GNPTG: variants seen among roughly 807,000 people sequenced by gnomAD.
GNPTG encodes the protein N-acetylglucosamine-1-phosphotransferase subunit gamma.
GNPTG carries 46 observed loss-of-function variants against 43.8 expected under a neutral mutation model. The ratio of observed to expected loss-of-function variants is 1.05; its 90% CI spans 0.83 to 1.34. The LOEUF is 1.34. Among genes scored for constraint, GNPTG ranks in the 40% most tolerant of loss-of-function variants. The pLI is 0.00. For missense variants in GNPTG, 549 were observed against 411.3 expected, an observed-to-expected ratio of 1.33 and a Z score of -2.90; for synonymous variants, 250 against 172.8, an observed-to-expected ratio of 1.45 and a Z score of -3.50.
chr16:1,352,379 AC>A (rs758727773), intron 3 of GNPTG, 73 bp downstream of exon 3: 20 of 1,424,864 alleles, frequency 1.4e-5, no homozygotes, highest in African/African-American at 2.8e-5. Context: ...TGGATGAGTG[AC>A]CCTGAGAGTT....
At chr16:1,359,422 T>A (rs2034832951) in intron 3 of GNPTG, among the ~76,000 whole-genome samples, 1 of 151,890 alleles carries the variant, frequency 6.6e-6, no homozygotes, top group South Asian at 2.1e-4. Context: ...GCATCCGCCA[T>A]CACGCCTGGC....
intron 3 of GNPTG, among the ~76,000 whole-genome samples, chr16:1,354,307 G>A (rs894541564): frequency 2.0e-5 from 3 of 152,076 alleles, no homozygotes; most frequent in African/African-American, 7.2e-5. Context: ...AGAATATGCT[G>A]GTCGTGGTGG....
chr16:1,361,743 G>A lies in GNPTG; in HGVS notation c.179G>A (p.Gly60Glu), dbSNP rs2141861695. 2.5e-6 allele frequency: 4 copies of A among 1,614,078 alleles called. No homozygotes were observed. The South Asian group carries it at 3.3e-5, about 13-fold the overall frequency. Residue 60 changes from glycine to glutamate, a missense_variant and splice_region_variant, in exon 4 of 11, where the codon GGA (glycine) becomes GAA (glutamate). By Grantham distance (98) the Gly-to-Glu change is moderately conservative. Coordinates refer to ENST00000204679, the MANE Select transcript of GNPTG (RefSeq NM_032520.5). ...GGGATCAGTGTGAGGTCTCTTCCAG[G>A]ACCCGTGCATCTCTTCCGACTCTCG... is the stretch of plus-strand genomic sequence containing the variant. ...QAKRDPSPVS[G>E]PVHLFRLSGK...
rs767502955 is a variant in GNPTG at position 1,361,873 on chromosome 16, T to A, written c.235T>A (p.Tyr79Asn). The change falls in exon 5 of 11, where the codon TAC (tyrosine) becomes AAC (asparagine). Residue 79 changes from tyrosine to asparagine, a missense_variant and splice_region_variant. Coordinates refer to ENST00000204679, the MANE Select transcript of GNPTG (RefSeq NM_032520.5). The stretch of plus-strand genomic sequence containing the variant: ...CCCTCATGCCATCTGTGTCCCCAGG[T>A]ACAAGTATGAGTTCTGCCCGTTCCA... ...GKCFSLVEST[Y>N]KYEFCPFHNV... is the part of the protein sequence containing the mutation. 6.2e-7 allele frequency: 1 copy of A among 1,613,730 alleles called. No individual in the cohort carries two copies. Among genetic ancestry groups the A allele is most frequent in the African/African-American group, 1.3e-5 (1 of 74,910 alleles).
At chr16:1,353,432 A>G (rs1313534516) in intron 3 of GNPTG, among the ~76,000 whole-genome samples, 1 of 152,264 alleles carries the variant, frequency 6.6e-6, no homozygotes, top group Admixed American at 6.5e-5. Flanking sequence ...TAGATAAAAT[A>G]CATAGAATGG....
At position 1,363,414 on chromosome 16, in the gene GNPTG, T is replaced by C. The variant is rs2034989527; in HGVS notation, c.*323T>C. On this transcript the variant is annotated 3_prime_UTR_variant, in exon 11 of 11. Coordinates refer to ENST00000204679, the MANE Select transcript of GNPTG (RefSeq NM_032520.5). ...TCATGTAAATACTCAAACATACAGA[T>C]TGAGGCTTCCAGAAATTAATCCACT... is the stretch of plus-strand genomic sequence containing the variant. The C allele has an allele frequency of 8.1e-6, 3 of 369,756 alleles. No individual in the cohort carries two copies. The highest frequency in any genetic ancestry group is 6.7e-5 in the South Asian group (3 of 44,802). The allele number at this position is 369,756 out of a possible 1,614,324, so 22.9% of individuals were successfully genotyped here. A position where few individuals can be genotyped will look rare whatever the true frequency, so the allele number is the denominator to read the frequency against.
chr16:1,356,504 A>G (rs893923108), intron 3 of GNPTG, among the ~76,000 whole-genome samples: 2 of 151,824 alleles, frequency 1.3e-5, no homozygotes, highest in African/African-American at 4.8e-5. Flanking sequence ...GGCGGAGGGG[A>G]GGGGCCGTGG....
In GNPTG at chr16:1,363,519, C is replaced by T. The variant is rs2034997734; in HGVS notation, c.*428C>T. On this transcript the variant is annotated 3_prime_UTR_variant, in exon 11 of 11. Transcript: ENST00000204679. ...CCACTGTATCACGGCGAATGTCGAA[C>T]ACTAGAGTTACAGACGACAGGCAAC... 7.5e-6 allele frequency: 2 copies of T among 267,278 alleles called. No individual in the cohort carries two copies. The highest frequency in any genetic ancestry group is 2.1e-4 in the East Asian group (2 of 9,418). 16.6% of individuals were successfully genotyped at this position (267,278 alleles called of 1,614,324 possible). A position where few individuals can be genotyped will look rare whatever the true frequency, so the allele number is the denominator to read the frequency against.
rs1025328722 is a variant in GNPTG, at chr16:1,359,938, C to T, written c.179-1805C>T. Reference sequence around the variant, plus strand: ...CATCCTGGCCAACATGGAGAAACCCCGTCTCTACAAAAATACAAAAATTAG... The same window carrying T: ...CATCCTGGCCAACATGGAGAAACCCTGTCTCTACAAAAATACAAAAATTAG... On this transcript the variant is annotated intron_variant, in intron 3 of 10. Transcript: ENST00000204679. 2.6e-5 allele frequency among the ~76,000 whole-genome samples: 4 copies of T among 152,036 alleles called. No individual in the cohort carries two copies. In the South Asian group the frequency reaches 6.3e-4, roughly 24 times the overall value.
chr16:1,363,398 TACTC>T lies in GNPTG; in HGVS notation c.*309_*312del, dbSNP rs1283000352. ...CATTCAAATAACATTCTCATGTAAA[TACTC>T]AAACATACAGATTGAGGCTTCCAGA... On this transcript the variant is annotated 3_prime_UTR_variant, in exon 11 of 11. Transcript: ENST00000204679. The T allele has an allele frequency of 9.0e-5, 35 of 389,326 alleles. No individual in the cohort carries two copies. Among genetic ancestry groups the T allele is most frequent in the Admixed American group, 4.9e-4 (13 of 26,498 alleles). 24.1% of individuals were successfully genotyped at this position (389,326 alleles called of 1,614,324 possible). A position where few individuals can be genotyped will look rare whatever the true frequency, so the allele number is the denominator to read the frequency against.
chr16:1,356,925 GGGTCTGCGGGCGGGAGTGTGCGGGTGGC>G (rs543653678), intron 3 of GNPTG, among the ~76,000 whole-genome samples: 1,611 of 150,176 alleles, frequency 0.011, 23 homozygotes, highest in African/African-American at 0.038. Context: ...GTGCGGGCGG[GGGTCTGCGGGCGGGAGTGTGCGGGTGGC>G]GGTCTGCGGG....
chr16:1,361,749 T>G lies in GNPTG; in HGVS notation c.185T>G (p.Val62Gly). 6.2e-7 allele frequency: 1 copy of G among 1,614,098 alleles called. No homozygotes were observed. Among genetic ancestry groups the G allele is most frequent in the Non-Finnish European group, 8.5e-7 (1 of 1,180,020 alleles). The change falls in exon 4 of 11, where the codon GTG (valine) becomes GGG (glycine). Residue 62 changes from valine to glycine, a missense_variant. Val to Gly is a moderately radical substitution (Grantham distance 109). Coordinates refer to ENST00000204679, the MANE Select transcript of GNPTG (RefSeq NM_032520.5). ...KRDPSPVSGP[V>G]HLFRLSGKCF... ...AGTGTGAGGTCTCTTCCAGGACCCG[T>G]GCATCTCTTCCGACTCTCGGGCAAG...
chr16:1,352,039 G>T, intron 1 of GNPTG, 22 bp downstream of exon 1: 1 of 1,496,822 alleles, frequency 6.7e-7, no homozygotes, highest in Non-Finnish European at 8.9e-7. Flanking sequence ...GGCCGTCCGC[G>T]TCCCCAGGCC....
intron 3 of GNPTG, among the ~76,000 whole-genome samples, chr16:1,354,421 A>C (rs926694639): frequency 1.5e-4 from 23 of 151,820 alleles, no homozygotes; most frequent in South Asian, 4.2e-4. Flanking sequence ...ACTAAAAAAA[A>C]CCACAAAAAC....
intron 3 of GNPTG, chr16:1,361,472 G>A (rs541307537): frequency 4.9e-4 from 202 of 412,532 alleles, no homozygotes; most frequent in East Asian, 5.9e-4. Flanking sequence ...GTGAAACCCC[G>A]TCTCTACTAA....
rs1173704236 is a variant in GNPTG at position 1,362,069 on chromosome 16, A to T, written c.349A>T (p.Thr117Ser). 20 of 1,611,318 alleles carry T rather than the reference A, an allele frequency of 1.2e-5. No homozygotes were observed. Among genetic ancestry groups the T allele is most frequent in the Non-Finnish European group, 1.7e-5 (20 of 1,179,146 alleles). The change falls in exon 6 of 11, where the codon ACC (threonine) becomes TCC (serine). Residue 117 changes from threonine to serine, a missense_variant. Transcript: ENST00000204679. ...IWHEWEIANN[T>S]FTGMWMRDGD... ...GCACGAGTGGGAGATCGCCAACAAC[A>T]CCTTCACGGGCATGTGGATGAGGGA...
chr16:1,356,939 GAGTGTGCGGGTGGC>G (rs1215526146), intron 3 of GNPTG, among the ~76,000 whole-genome samples: 2 of 147,884 alleles, frequency 1.4e-5, no homozygotes, highest in African/African-American at 5.2e-5. Flanking sequence ...CTGCGGGCGG[GAGTGTGCGGGTGGC>G]GGTCTGCGGG....
Position 1,352,022 on chromosome 16 carries a change from G to C in GNPTG, c.52+5G>C, listed in dbSNP as rs2034692855. The C allele has an allele frequency of 2.0e-6, 3 of 1,482,830 alleles. No individual in the cohort carries two copies. Among genetic ancestry groups the C allele is most frequent in the South Asian group, 1.3e-5 (1 of 78,148 alleles). 91.9% of individuals were successfully genotyped at this position (1,482,830 alleles called of 1,614,324 possible). A position where few individuals can be genotyped will look rare whatever the true frequency, so the allele number is the denominator to read the frequency against. ...TCCTCGGGCTCTCGGCCGGCGGTGA[G>C]TGGCCCGGCCGTCCGCGTCCCCAGG... On this transcript the variant is annotated splice_donor_5th_base_variant and intron_variant, in intron 1 of 10. Coordinates refer to ENST00000204679, the MANE Select transcript of GNPTG (RefSeq NM_032520.5).
intron 3 of GNPTG, chr16:1,352,564 C>T: frequency 1.9e-6 from 1 of 533,936 alleles, no homozygotes; most frequent in Non-Finnish European, 3.4e-6. Flanking sequence ...AGACGCGTTT[C>T]TGTGCTTTTA....
Sources: gnomAD v4.1 joint callset for allele counts (sites outside exome capture counted in the v4.1 genomes callset) on GRCh38, gnomAD v4.1.1 for gene constraint, MANE v1.5 for transcripts, NCBI Gene and HGNC (gene_info 2026-07-23, HGNC 2026-07-21) for gene names.